The following LCK variants were observed in gnomAD, a reference collection of about 807,000 sequenced individuals.
LCK encodes the protein tyrosine-protein kinase Lck.
In LCK, 14 loss-of-function variants were observed where a neutral mutation model predicts 64.6. That is an observed-to-expected ratio of 0.22 (90% CI 0.14 to 0.34). The LOEUF is 0.34. Among genes scored for constraint, LCK ranks in the 10% least tolerant of loss-of-function variants. LCK has a pLI of 1.00. For missense variants in LCK, 434 were observed against 668.1 expected, an observed-to-expected ratio of 0.65 and a Z score of 3.86; for synonymous variants, 277 against 263.6, an observed-to-expected ratio of 1.05 and a Z score of -0.49.
intron 12 of LCK, among the ~76,000 whole-genome samples, chr1:32,283,705 G>A (rs939933364): frequency 6.6e-6 from 1 of 152,090 alleles, no homozygotes; most frequent in East Asian, 1.9e-4. Context: ...TCCAAGCAAG[G>A]TCTGCTTTGC....
chr1:32,267,136 T>C (rs1639946090), intron 1 of LCK, among the ~76,000 whole-genome samples: 1 of 151,870 alleles, frequency 6.6e-6, no homozygotes, highest in Non-Finnish European at 1.5e-5. Flanking sequence ...AGTCCTTTAC[T>C]GGGGGCTCTT....
intron 1 of LCK, 95 bp from the exon 2 acceptor site, chr1:32,274,230 C>G (rs747268826): frequency 2.0e-5 from 32 of 1,596,820 alleles, no homozygotes; most frequent in Middle Eastern, 1.7e-4. Flanking sequence ...ATCTCAGGTA[C>G]TTTTGGAACT....
chr1:32,259,207 A>T (rs1639702471), intron 1 of LCK, among the ~76,000 whole-genome samples: 1 of 151,310 alleles, frequency 6.6e-6, no homozygotes, highest in Non-Finnish European at 1.5e-5. Flanking sequence ...GACTAGCCTG[A>T]GCAACATGGC....
chr1:32,274,453 G>A lies in LCK; in HGVS notation c.105+19G>A. ...GGGCACGGTAAGAGGCGAGACAGGGGCCTTGGTGAGGGAGTTGGGTAGAGA... is the reference window on the plus strand; with the variant it reads ...GGGCACGGTAAGAGGCGAGACAGGGACCTTGGTGAGGGAGTTGGGTAGAGA... On this transcript the variant is annotated intron_variant, in intron 2 of 12. Transcript: ENST00000336890. The A allele has an allele frequency of 2.5e-6, 4 of 1,590,856 alleles. No individual in the cohort carries two copies. The highest frequency in any genetic ancestry group is 3.4e-6 in the Non-Finnish European group (4 of 1,163,900).
At chr1:32,271,273 G>A (rs770192665) in intron 1 of LCK, among the ~76,000 whole-genome samples, 8 of 152,016 alleles carry the variant, frequency 5.3e-5, no homozygotes, top group African/African-American at 1.5e-4. Flanking sequence ...AAAGTGCCGC[G>A]ATTACAGATG....
intron 2 of LCK, 128 bp from the exon 3 acceptor site, chr1:32,274,609 G>A: frequency 1.1e-6 from 1 of 935,214 alleles, no homozygotes; most frequent in Non-Finnish European, 1.6e-6. Flanking sequence ...CACACAGAAA[G>A]TAGTTGGTAA....
At chr1:32,274,528 T>G in intron 2 of LCK, 94 bp downstream of exon 2, 1 of 1,089,848 alleles carries the variant, frequency 9.2e-7, no homozygotes, top group South Asian at 1.5e-5. Context: ...CTTGAAAGAA[T>G]AGAGTGGCCC....
At chr1:32,274,171 C>G (rs1366065928) in intron 1 of LCK, 154 bp from the exon 2 acceptor site, 1 of 1,470,368 alleles carries the variant, frequency 6.8e-7, no homozygotes, top group Non-Finnish European at 9.0e-7. Flanking sequence ...CTGGGACCCC[C>G]TATTTTAGCT....
chr1:32,259,206 G>A (rs1639702385), intron 1 of LCK, among the ~76,000 whole-genome samples: 1 of 144,908 alleles, frequency 6.9e-6, no homozygotes, highest in African/African-American at 2.6e-5. Flanking sequence ...AGACTAGCCT[G>A]AGCAACATGG....
Position 32,275,684 on chromosome 1 carries a change from GC to G in LCK, c.481+13del. On this transcript the variant is annotated intron_variant, in intron 6 of 12. Coordinates refer to ENST00000336890, the MANE Select transcript of LCK (RefSeq NM_005356.5). The surrounding 1 kb of genome is among the most constrained non-coding windows in gnomAD (Gnocchi z 6.9). Reference sequence around the variant, plus strand: ...CGAGAGCACCGCGGGTGAGCGGGCGGCGGTCTCGACCGGGCGCGGGGGTGCC... The same window carrying G: ...CGAGAGCACCGCGGGTGAGCGGGCGGGGTCTCGACCGGGCGCGGGGGTGCC... The G allele has an allele frequency of 6.4e-7, 1 of 1,554,336 alleles. No homozygotes were observed. Among genetic ancestry groups the G allele is most frequent in the Non-Finnish European group, 8.7e-7 (1 of 1,151,392 alleles).
intron 9 of LCK, 127 bp from the exon 10 acceptor site, chr1:32,279,544 C>T: frequency 2.5e-6 from 4 of 1,569,794 alleles, no homozygotes; most frequent in Non-Finnish European, 3.5e-6. Context: ...ACACACTCCT[C>T]CATTCTCACT....
At chr1:32,271,717 AC>A (rs2124343133) in intron 1 of LCK, among the ~76,000 whole-genome samples, 1 of 152,280 alleles carries the variant, frequency 6.6e-6, no homozygotes, top group African/African-American at 2.4e-5. Context: ...GGTTTCTAAG[AC>A]CTTTGCAGAT....
chr1:32,275,144 C>A lies in LCK; in HGVS notation c.278+61C>A, dbSNP rs1035188114. 2 of 1,523,414 alleles carry A rather than the reference C, an allele frequency of 1.3e-6. No individual in the cohort carries two copies. Among genetic ancestry groups the A allele is most frequent in the Admixed American group, 3.5e-5 (2 of 57,840 alleles). 94.4% of individuals were successfully genotyped at this position (1,523,414 alleles called of 1,614,324 possible). A position where few individuals can be genotyped will look rare whatever the true frequency, so the allele number is the denominator to read the frequency against. Reference sequence around the variant, plus strand: ...TGAGGGAGCGGCGATCTCCGCGACCCGCAGCCCTCCTGCGGCCCTTGACCA... The same window carrying A: ...TGAGGGAGCGGCGATCTCCGCGACCAGCAGCCCTCCTGCGGCCCTTGACCA... On this transcript the variant is annotated intron_variant, in intron 4 of 12. Coordinates refer to ENST00000336890, the MANE Select transcript of LCK (RefSeq NM_005356.5). The surrounding 1 kb of genome is among the most constrained non-coding windows in gnomAD (Gnocchi z 6.9).
intron 1 of LCK, among the ~76,000 whole-genome samples, chr1:32,273,220 C>T (rs535752682): frequency 1.3e-4 from 16 of 126,126 alleles, no homozygotes; most frequent in African/African-American, 4.3e-4. Context: ...AGTGTGGGTG[C>T]CTGTGTGTGG....
Position 32,279,897 on chromosome 1 carries a change from G to T in LCK, c.1098G>T (p.Arg366=), listed in dbSNP as rs1318740795. The change falls in exon 11 of 13, where the codon CGG becomes CGT. Residue 366 remains arginine (R), a synonymous_variant. Coordinates refer to ENST00000336890, the MANE Select transcript of LCK (RefSeq NM_005356.5). ...GGAATTATATTCATCGTGACCTTCG[G>T]GCTGCCAACATTCTGGTGTCTGACA... ...EERNYIHRDL[R]AANILVSDTL... is the part of the protein sequence containing the mutation. 1 of 1,613,974 alleles carries T rather than the reference G, an allele frequency of 6.2e-7. No homozygotes were observed. The highest frequency in any genetic ancestry group is 8.5e-7 in the Non-Finnish European group (1 of 1,180,020).
chr1:32,257,852 T>C (rs1639666588), intron 1 of LCK, among the ~76,000 whole-genome samples: 1 of 152,174 alleles, frequency 6.6e-6, no homozygotes, highest in South Asian at 2.1e-4. Flanking sequence ...CCCTTATTTA[T>C]AGCGATACTT....
rs1439871495 is a variant in LCK at position 32,251,930 on chromosome 1, GA to G, written c.-6+560del. On this transcript the variant is annotated intron_variant, in intron 1 of 12. Transcript: ENST00000336890. This position sits in a 1 kb window ranked among gnomAD's most constrained non-coding sequence, Gnocchi z 4.0. The stretch of plus-strand genomic sequence containing the variant: ...AGAGAGAGAGAGAGAGAGAGAGAGA[GA>G]GAGAGACAGAGATCACCCAAGGCAT... Among the ~76,000 whole-genome samples the G allele has an allele frequency of 3.0e-4, 45 of 150,204 alleles. No homozygotes were observed. In the East Asian group the frequency reaches 8.4e-3, roughly 28 times the overall value.
chr1:32,260,589 G>T (rs1639742655), intron 1 of LCK, among the ~76,000 whole-genome samples: 1 of 152,146 alleles, frequency 6.6e-6, no homozygotes, highest in South Asian at 2.1e-4. Context: ...CCTAAAGGAA[G>T]TATAGTCTTG....
chr1:32,271,669 TA>T (rs1309863975), intron 1 of LCK, among the ~76,000 whole-genome samples: 2 of 152,206 alleles, frequency 1.3e-5, no homozygotes, highest in African/African-American at 2.4e-5. Flanking sequence ...ATCTCAAAAA[TA>T]AATCAACAAA....
Sources: gnomAD v4.1 joint callset for allele counts (sites outside exome capture counted in the v4.1 genomes callset) on GRCh38, gnomAD v4.1.1 for gene constraint, Gnocchi (gnomAD v3.1) non-coding constraint, MANE v1.5 for transcripts, NCBI Gene and HGNC (gene_info 2026-07-23, HGNC 2026-07-21) for gene names.